The following LVRN variants were observed in gnomAD, a reference collection of about 807,000 sequenced individuals.
LVRN encodes the protein aminopeptidase Q.
A neutral mutation model predicts 111.4 loss-of-function variants in LVRN; 99 were observed. The ratio of observed to expected loss-of-function variants is 0.89; its 90% CI spans 0.76 to 1.05. LVRN has a LOEUF of 1.05. LVRN is among the 50% of genes least tolerant of loss of function. The pLI, the probability that LVRN is intolerant of heterozygous loss-of-function variation, is 0.00. For synonymous variants in LVRN, 488 were observed against 449.5 expected, an observed-to-expected ratio of 1.09 and a Z score of -1.08; for missense variants, 1,414 against 1,206.8, an observed-to-expected ratio of 1.17 and a Z score of -2.54.
chr5:115,964,008 A>G (rs1753148057), intron 1 of LVRN, among the ~76,000 whole-genome samples: 1 of 152,248 alleles, frequency 6.6e-6, no homozygotes, highest in African/African-American at 2.4e-5. Flanking sequence ...GGCGCTTGTT[A>G]GAAATGCAGA....
At chr5:115,965,456 G>A (rs1753182316) in intron 1 of LVRN, among the ~76,000 whole-genome samples, 1 of 152,192 alleles carries the variant, frequency 6.6e-6, no homozygotes, top group Non-Finnish European at 1.5e-5. Flanking sequence ...TATTTTACTA[G>A]AATTAAAAAT....
chr5:116,021,566 G>A (rs965801670), intron 18 of LVRN: 80 of 285,330 alleles, frequency 2.8e-4, no homozygotes, highest in African/African-American at 1.7e-3. Flanking sequence ...AGTATATTAT[G>A]CCAGAGTTAA....
In LVRN at chr5:115,984,805, C is replaced by T; in HGVS notation, c.978+96C>T. 8.7e-6 allele frequency: 13 copies of T among 1,488,238 alleles called. No homozygotes were observed. The South Asian group carries it at 1.7e-4, about 20-fold the overall frequency. The allele number at this position is 1,488,238 out of a possible 1,614,324, so 92.2% of individuals were successfully genotyped here. A position where few individuals can be genotyped will look rare whatever the true frequency, so the allele number is the denominator to read the frequency against. ...TCCAGTGGTTATGGCTGCATATCCC[C>T]AAATCGCTTCCTAGTTCTCTCTCCC... On this transcript the variant is annotated intron_variant, in intron 3 of 19. Coordinates refer to ENST00000357872, the MANE Select transcript of LVRN (RefSeq NM_173800.5).
chr5:115,963,786 A>T (rs1436618699), intron 1 of LVRN, among the ~76,000 whole-genome samples: 1 of 152,016 alleles, frequency 6.6e-6, no homozygotes, highest in Non-Finnish European at 1.5e-5. Flanking sequence ...GACGGCGGAG[A>T]CCGCGGTCCT....
chr5:115,998,084 A>G (rs1325896347), intron 6 of LVRN, among the ~76,000 whole-genome samples: 2 of 152,244 alleles, frequency 1.3e-5, no homozygotes, highest in South Asian at 2.1e-4. Flanking sequence ...TGGTTAAAAC[A>G]GCAAAAAGCT....
intron 4 of LVRN, among the ~76,000 whole-genome samples, chr5:115,990,797 C>CCAGAA (rs1298797806): frequency 2.0e-5 from 3 of 152,126 alleles, no homozygotes. Flanking sequence ...GTCTTGAACT[C>CCAGAA]CTGATCTCAA....
chr5:115,996,996 G>T (rs1748127497), intron 6 of LVRN, among the ~76,000 whole-genome samples: 2 of 152,086 alleles, frequency 1.3e-5, no homozygotes, highest in Non-Finnish European at 2.9e-5. Flanking sequence ...TACTTAAATA[G>T]AATTATTTAT....
chr5:115,976,465 A>G (rs1332005919), intron 1 of LVRN, among the ~76,000 whole-genome samples: 1 of 152,006 alleles, frequency 6.6e-6, no homozygotes, highest in Admixed American at 6.5e-5. Context: ...GATCTTTATT[A>G]TCCACTTTCT....
Position 115,963,247 on chromosome 5 carries a change from C to T in LVRN, c.630C>T (p.Gly210=), listed in dbSNP as rs776300389. The T allele has an allele frequency of 2.5e-6, 4 of 1,612,770 alleles. No homozygotes were observed. In the South Asian group the frequency reaches 3.3e-5, roughly 13 times the overall value. The stretch of plus-strand genomic sequence containing the variant: ...ACGAGCTGCAGCTTAGCTTCTCGGG[C>T]CTGGTGAAGGAAGACCTCAGGGAGG... ...SSYELQLSFS[G]LVKEDLREGL... The change falls in exon 1 of 20, where the codon GGC becomes GGT. Residue 210 remains glycine (G), a synonymous_variant. Transcript: ENST00000357872.
At chr5:115,972,362 A>G (rs1379024103) in intron 1 of LVRN, among the ~76,000 whole-genome samples, 1 of 151,736 alleles carries the variant, frequency 6.6e-6, no homozygotes, top group Non-Finnish European at 1.5e-5. Flanking sequence ...TTAAATATCT[A>G]TTGTTAATGA....
chr5:115,986,443 A>C (rs1747867972), intron 3 of LVRN, among the ~76,000 whole-genome samples: 1 of 152,178 alleles, frequency 6.6e-6, no homozygotes, highest in Non-Finnish European at 1.5e-5. Context: ...TTATCTGTGA[A>C]AGATCACCCC....
At chr5:116,016,113 T>G (rs1445918163) in intron 18 of LVRN, among the ~76,000 whole-genome samples, 1 of 152,244 alleles carries the variant, frequency 6.6e-6, no homozygotes, top group Non-Finnish European at 1.5e-5. Flanking sequence ...TTAATTTGCT[T>G]TCTACATCTT....
At chr5:116,000,551 G>C (rs1296445682) in intron 8 of LVRN, 42 bp from the exon 9 acceptor site, 2 of 1,611,898 alleles carry the variant, frequency 1.2e-6, no homozygotes, top group African/African-American at 1.3e-5. Context: ...AAATTCCATT[G>C]GCATGCTATT....
intron 13 of LVRN, 107 bp from the exon 14 acceptor site, chr5:116,010,634 C>A: frequency 8.5e-7 from 1 of 1,174,826 alleles, no homozygotes; most frequent in Non-Finnish European, 1.2e-6. Context: ...GACTTATTCA[C>A]ATGCCTTATT....
chr5:115,968,029 C>G (rs533024817), intron 1 of LVRN, among the ~76,000 whole-genome samples: 1 of 152,146 alleles, frequency 6.6e-6, no homozygotes, highest in South Asian at 2.1e-4. Flanking sequence ...ATGTTGTCAA[C>G]AAACGGAGAC....
At chr5:116,017,188 C>A (rs1195114152) in intron 18 of LVRN, among the ~76,000 whole-genome samples, 2 of 152,138 alleles carry the variant, frequency 1.3e-5, no homozygotes, top group Non-Finnish European at 2.9e-5. Context: ...AGTTGGGAGG[C>A]CAACTTGGGA....
chr5:115,991,343 C>T (rs76593898), intron 4 of LVRN, among the ~76,000 whole-genome samples: 2,268 of 152,316 alleles, frequency 0.015, 33 homozygotes, highest in Non-Finnish European at 0.023. Flanking sequence ...GCAACATGCA[C>T]TTAAAATTTC....
intron 5 of LVRN, among the ~76,000 whole-genome samples, chr5:115,992,877 C>A (rs956349314): frequency 6.6e-6 from 1 of 152,134 alleles, no homozygotes; most frequent in Non-Finnish European, 1.5e-5. Flanking sequence ...AGTGTCTGCA[C>A]CATTAATACA....
chr5:116,000,775 G>A (rs2112602996), intron 9 of LVRN, 117 bp downstream of exon 9: 1 of 1,140,130 alleles, frequency 8.8e-7, no homozygotes, highest in East Asian at 2.4e-5. Flanking sequence ...TCTTGTTGTA[G>A]AACTCCCTTA....
Sources: gnomAD v4.1 joint callset for allele counts (sites outside exome capture counted in the v4.1 genomes callset) on GRCh38, gnomAD v4.1.1 for gene constraint, MANE v1.5 for transcripts, NCBI Gene and HGNC (gene_info 2026-07-23, HGNC 2026-07-21) for gene names.